The following ARRDC2 variants were observed in gnomAD, a reference collection of about 807,000 sequenced individuals.
ARRDC2 encodes the protein arrestin domain containing 2.
Under a neutral mutation model 38.9 loss-of-function variants are expected in ARRDC2, and 39 were observed. The observed-to-expected ratio is 1.00, with a 90% CI of 0.78 to 1.31. ARRDC2 has a LOEUF of 1.31. Ranked by LOEUF, ARRDC2 falls within the 50% of genes most tolerant of loss-of-function variation. The pLI is 0.00. For missense variants in ARRDC2, 553 were observed against 588.4 expected, an observed-to-expected ratio of 0.94 and a Z score of 0.62; for synonymous variants, 300 against 261.9, an observed-to-expected ratio of 1.15 and a Z score of -1.41.
chr19:18,003,517 C>T (rs1049990627), upstream of ARRDC2, among the ~76,000 whole-genome samples: 3 of 151,752 alleles, frequency 2.0e-5, no homozygotes, highest in African/African-American at 7.3e-5. Flanking sequence ...TGCAGTGGCG[C>T]CGGCGCAATC....
At chr19:18,008,048 C>A (rs2033315402), upstream of ARRDC2, 3 of 1,042,268 alleles carry the variant, frequency 2.9e-6, no homozygotes, top group South Asian at 5.4e-5. Context: ...TGCTCCACGC[C>A]TGGGCAGAGC....
chr19:18,012,049 C>T (rs753769386), intron 7 of ARRDC2, among the ~76,000 whole-genome samples: 5 of 147,996 alleles, frequency 3.4e-5, no homozygotes, highest in Middle Eastern at 3.5e-3. Context: ...CTCCACCTCC[C>T]GGGTTCAAGC....
Position 18,012,965 on chromosome 19 carries a change from G to T in ARRDC2, c.1223G>T (p.Ter408LeuextTer43). The part of the protein sequence containing the change: ...GDMRPRCMTC[*>L] Reference sequence around the variant, plus strand: ...ATGAGGCCGCGCTGCATGACTTGCTGAACGGCACAGGGACCCCTCGAGGAA... The same window carrying T: ...ATGAGGCCGCGCTGCATGACTTGCTTAACGGCACAGGGACCCCTCGAGGAA... The change falls in exon 8 of 8, where the codon TGA becomes TTA. Residue 408 changes from the stop codon to leucine, a stop_lost. Transcript: ENST00000222250. The T allele has an allele frequency of 6.2e-7, 1 of 1,613,882 alleles. No individual in the cohort carries two copies. The highest frequency in any genetic ancestry group is 8.5e-7 in the Non-Finnish European group (1 of 1,179,956).
exon 1 of ARRDC2, chr19:18,001,470 G>C: frequency 7.8e-7 from 1 of 1,279,142 alleles, no homozygotes; most frequent in Non-Finnish European, 9.9e-7. Context: ...GCGGCGGGGC[G>C]GCCACCCACT....
chr19:18,006,485 G>C (rs143987155), upstream of ARRDC2, among the ~76,000 whole-genome samples: 700 of 152,300 alleles, frequency 4.6e-3, 3 homozygotes, highest in Middle Eastern at 0.01. Context: ...CAGGCGTGGC[G>C]GCGCGCGCCT....
chr19:18,008,138 C>CCCGG, upstream of ARRDC2: 1 of 1,339,274 alleles, frequency 7.5e-7, no homozygotes, highest in Non-Finnish European at 9.6e-7. Context: ...CCCGCCCTGC[C>CCCGG]GTATAAAAGC....
At chr19:18,002,074 G>A (rs2033195892) in intron 1 of ARRDC2, among the ~76,000 whole-genome samples, 1 of 152,140 alleles carries the variant, frequency 6.6e-6, no homozygotes, top group Non-Finnish European at 1.5e-5. Context: ...CAGGAAACCC[G>A]CGGGAAGTAG....
At chr19:18,003,457 T>A (rs2033217061), upstream of ARRDC2, among the ~76,000 whole-genome samples, 1 of 147,858 alleles carries the variant, frequency 6.8e-6, no homozygotes, top group Non-Finnish European at 1.5e-5. Context: ...TTTGTTTTGT[T>A]TTGTTTTGTT....
At chr19:18,008,942 T>C (rs12609555) in intron 2 of ARRDC2, 29 bp from the exon 3 acceptor site, 46,115 of 1,611,432 alleles carry the variant, frequency 0.029, 906 homozygotes, top group East Asian at 0.1. Flanking sequence ...CTGTATCTTG[T>C]CCCCTGAAGT....
rs1218091593 is a variant in ARRDC2, at chr19:18,009,670, A to G, written c.568A>G (p.Ile190Val). 3 of 1,611,070 alleles carry G rather than the reference A, an allele frequency of 1.9e-6. No individual in the cohort carries two copies. The highest frequency in any genetic ancestry group is 1.3e-5 in the African/African-American group (1 of 74,840). ...TGGCCTAGTCTCCCTTTCGGCCAAG[A>G]TCGACCGCAAGGGCTACACCCCAGG... is the stretch of plus-strand genomic sequence containing the variant. ...NRGLVSLSAK[I>V]DRKGYTPGEV... is the part of the protein sequence containing the mutation. Residue 190 changes from isoleucine to valine, a missense_variant, in exon 4 of 8, where the codon ATC (isoleucine) becomes GTC (valine). Coordinates refer to ENST00000222250, the MANE Select transcript of ARRDC2 (RefSeq NM_015683.2).
chr19:18,002,655 C>T (rs528524822), intron 1 of ARRDC2, among the ~76,000 whole-genome samples: 1 of 152,344 alleles, frequency 6.6e-6, no homozygotes, highest in South Asian at 2.1e-4. Flanking sequence ...GCGGGGGACC[C>T]TTCCCTCCCC....
chr19:18,008,703 A>G lies in ARRDC2; in HGVS notation c.275-8A>G, dbSNP rs367813304. ...CGCTCAGTCGCCTCCTTTTTCTCCT[A>G]CCTGCAGATACCGGGGAGACCACGA... On this transcript the variant is annotated splice_polypyrimidine_tract_variant and splice_region_variant and intron_variant, in intron 1 of 7. Transcript: ENST00000222250. 90 of 1,612,304 alleles carry G rather than the reference A, an allele frequency of 5.6e-5. No individual in the cohort carries two copies. The African/African-American group carries it at 1.0e-3, about 18-fold the overall frequency.
At chr19:18,012,125 T>G (rs1423567695) in intron 7 of ARRDC2, among the ~76,000 whole-genome samples, 1 of 150,314 alleles carries the variant, frequency 6.7e-6, no homozygotes, top group Non-Finnish European at 1.5e-5. Flanking sequence ...GCCCAGCTAA[T>G]TTTTGTATTT....
chr19:18,010,198 CTG>C lies in ARRDC2; in HGVS notation c.857_858del (p.Val286GlyfsTer51), dbSNP rs748922971. On this transcript the variant is annotated frameshift_variant, in exon 6 of 8. Transcript: ENST00000222250. LOFTEE classifies it high-confidence loss of function. The part of the protein sequence containing the change: ...VLHVDYALKV[C>X]VDIPGTSKLL... The stretch of plus-strand genomic sequence containing the variant: ...TCCCTTATGGTTCCTTCCTCCAGGT[CTG>C]TGTGGATATCCCAGGAACGTCCAAG... 2 of 1,613,146 alleles carry C rather than the reference CTG, an allele frequency of 1.2e-6. No individual in the cohort carries two copies. The highest frequency in any genetic ancestry group is 1.7e-6 in the Non-Finnish European group (2 of 1,179,644).
In ARRDC2 at chr19:18,013,252, T is replaced by G; in HGVS notation, c.*286T>G. 1 of 415,998 alleles carries G rather than the reference T, an allele frequency of 2.4e-6. No individual in the cohort carries two copies. Among genetic ancestry groups the G allele is most frequent in the Admixed American group, 4.3e-5 (1 of 23,218 alleles). 25.8% of individuals were successfully genotyped at this position (415,998 alleles called of 1,614,324 possible). Reference sequence around the variant, plus strand: ...TCCCAGCCAATTGGTGGTGCTGGAATCCCCTAGGAGCCTTCAGTCTGGGAG... The same window carrying G: ...TCCCAGCCAATTGGTGGTGCTGGAAGCCCCTAGGAGCCTTCAGTCTGGGAG... On this transcript the variant is annotated 3_prime_UTR_variant, in exon 8 of 8. Transcript: ENST00000222250.
chr19:18,009,538 G>T (rs911725538), intron 3 of ARRDC2, 54 bp from the exon 4 acceptor site: 19 of 1,494,462 alleles, frequency 1.3e-5, no homozygotes, highest in South Asian at 7.5e-5. Flanking sequence ...GCTCCACAGC[G>T]ACTGTGGTTT....
chr19:18,012,373 G>C (rs755559868), intron 7 of ARRDC2, among the ~76,000 whole-genome samples: 49 of 151,822 alleles, frequency 3.2e-4, no homozygotes, highest in Non-Finnish European at 6.0e-4. Context: ...GATCACTTGA[G>C]GTCAGGAGTT....
At chr19:18,001,596 C>A in intron 1 of ARRDC2, 1 of 1,304,526 alleles carries the variant, frequency 7.7e-7, no homozygotes. Flanking sequence ...TCGCGCCGCC[C>A]CCGCAGCAGC....
chr19:18,006,201 C>T (rs1385061635), upstream of ARRDC2, among the ~76,000 whole-genome samples: 3 of 150,990 alleles, frequency 2.0e-5, no homozygotes, highest in East Asian at 2.0e-4. Flanking sequence ...CAGGCAGAGA[C>T]GCTCCTCACT....
Sources: allele counts gnomAD v4.1 joint callset (sites outside exome capture counted in the v4.1 genomes callset), GRCh38; gene constraint gnomAD v4.1.1; transcripts MANE v1.5; gene names NCBI Gene and HGNC (gene_info 2026-07-23, HGNC 2026-07-21).